Variants in ANGPTL3 observed in about 807,000 individuals in gnomAD.
ANGPTL3 encodes the protein angiopoietin-related protein 3.
In ANGPTL3, 51 loss-of-function variants were observed where a neutral mutation model predicts 52.7. That is an observed-to-expected ratio of 0.97 (90% CI 0.77 to 1.22). The LOEUF (loss-of-function observed/expected upper bound fraction) is 1.22. Among genes scored for constraint, ANGPTL3 ranks in the 50% most tolerant of loss-of-function variants. ANGPTL3 has a pLI of 0.00. For synonymous variants in ANGPTL3, 185 were observed against 179.8 expected (o/e 1.03, Z -0.23); for missense variants, 506 against 520.7 (o/e 0.97, Z 0.27).
chr1:62,604,674 A>G lies in ANGPTL3; in HGVS notation c.1240A>G (p.Asn414Asp). ...WHDECGENNL[N>D]GKYNKPRAKS... ...TGATGAGTGTGGAGAAAACAACCTA[A>G]ATGGTAAATATAACAAACCAAGAGC... Residue 414 changes from asparagine (N) to aspartate (D), a missense_variant, in exon 7 of 7, where the codon AAT becomes GAT. Coordinates refer to ENST00000371129, the MANE Select transcript of ANGPTL3 (RefSeq NM_014495.4). 1 of 1,613,258 alleles carries G rather than the reference A, an allele frequency of 6.2e-7. No homozygotes were observed. Among genetic ancestry groups the G allele is most frequent in the South Asian group, 1.1e-5 (1 of 91,060 alleles).
intron 2 of ANGPTL3, among the ~76,000 whole-genome samples, chr1:62,600,409 T>C (rs1017080754): frequency 2.0e-5 from 3 of 151,824 alleles, no homozygotes; most frequent in Non-Finnish European, 2.9e-5. Flanking sequence ...CTAGGAAATA[T>C]CATTCATGCC....
chr1:62,601,309 T>C, intron 3 of ANGPTL3, 113 bp downstream of exon 3: 1 of 784,500 alleles, frequency 1.3e-6, no homozygotes, highest in South Asian at 1.5e-5. Flanking sequence ...ATACAATGTA[T>C]CAACCTAAAC....
Position 62,597,635 on chromosome 1 carries a change from T to C in ANGPTL3, c.69T>C (p.Asn23=), listed in dbSNP as rs763902658. 3.1e-6 allele frequency: 5 copies of C among 1,613,328 alleles called. No individual in the cohort carries two copies. In the Admixed American group the frequency reaches 6.7e-5, roughly 22 times the overall value. Residue 23 remains asparagine, a synonymous_variant, in exon 1 of 7, where the codon AAT becomes AAC. Coordinates refer to ENST00000371129, the MANE Select transcript of ANGPTL3 (RefSeq NM_014495.4). ...LVISSRIDQD[N]SSFDSLSPEP... ...TTTCCTCCAGAATTGATCAAGACAA[T>C]TCATCATTTGATTCTCTATCTCCAG...
chr1:62,601,226 A>G, intron 3 of ANGPTL3, 30 bp downstream of exon 3: 1 of 1,406,576 alleles, frequency 7.1e-7, no homozygotes, highest in Non-Finnish European at 1.0e-6. Flanking sequence ...TTCCTTCTTG[A>G]AGCTATTATT....
chr1:62,599,527 A>G (rs972283209), intron 2 of ANGPTL3, among the ~76,000 whole-genome samples: 1 of 152,016 alleles, frequency 6.6e-6, no homozygotes, highest in African/African-American at 2.4e-5. Context: ...TATTTAACAT[A>G]ACATAAATTT....
Position 62,597,540 on chromosome 1 carries a change from T to C in ANGPTL3, c.-27T>C. The C allele has an allele frequency of 6.2e-7, 1 of 1,611,434 alleles. No homozygotes were observed. The highest frequency in any genetic ancestry group is 8.5e-7 in the Non-Finnish European group (1 of 1,178,682). ...CTTCCAGAAGAAAACAGTTCCACGT[T>C]GCTTGAAATTGAAAATCAAGATAAA... On this transcript the variant is annotated 5_prime_UTR_variant, in exon 1 of 7. Transcript: ENST00000371129.
rs1389474172 is a variant in ANGPTL3 at position 62,605,548 on chromosome 1, C to A, written c.*731C>A. The A allele has an allele frequency of 1.3e-5, 2 of 152,430 alleles. No homozygotes were observed. Among genetic ancestry groups the A allele is most frequent in the East Asian group, 1.9e-4 (1 of 5,188 alleles). The allele number at this position is 152,430 out of a possible 1,614,324, so 9.4% of individuals were successfully genotyped here. A position where few individuals can be genotyped will look rare whatever the true frequency, so the allele number is the denominator to read the frequency against. On this transcript the variant is annotated 3_prime_UTR_variant, in exon 7 of 7. Coordinates refer to ENST00000371129, the MANE Select transcript of ANGPTL3 (RefSeq NM_014495.4). ...ACTGTATACATTTTATATATTTTAA[C>A]ACTTAATACTATGAAAACAAATAAT...
rs777631300 is a variant in ANGPTL3, at chr1:62,604,234, AG to A, written c.1198+1del. 2.5e-6 allele frequency: 4 copies of A among 1,613,014 alleles called. No individual in the cohort carries two copies. In the South Asian group the frequency reaches 4.4e-5, roughly 18 times the overall value. On this transcript the variant is annotated frameshift_variant and splice_region_variant, in exon 6 of 7. Coordinates refer to ENST00000371129, the MANE Select transcript of ANGPTL3 (RefSeq NM_014495.4). LOFTEE classifies it high-confidence loss of function. The stretch of plus-strand genomic sequence containing the variant: ...ACTTCAACTGTCCAGAGGGTTATTC[AG>A]GTATCTTTTTCTGATACCAATACTT... ...GHFNCPEGYS[G>X]GWWWHDECGE...
chr1:62,604,348 T>C (rs1650627857), intron 6 of ANGPTL3, 113 bp downstream of exon 6: 1 of 1,339,826 alleles, frequency 7.5e-7, no homozygotes, highest in African/African-American at 1.6e-5. Flanking sequence ...AAATAAGCGT[T>C]TTCTCTCTAG....
rs1329767529 is a variant in ANGPTL3, at chr1:62,597,888, G to A, written c.322G>A (p.Val108Ile). ...GAGAAGAACTACATATAAACTACAA[G>A]TCAAAAATGAAGAGGTAAAGAATAT... ...ELRRTTYKLQ[V>I]KNEEVKNMSL... Residue 108 changes from valine to isoleucine, a missense_variant, in exon 1 of 7, where the codon GTC becomes ATC. Val to Ile is a conservative substitution (Grantham distance 29, BLOSUM62 3). Coordinates refer to ENST00000371129, the MANE Select transcript of ANGPTL3 (RefSeq NM_014495.4). 1.3e-6 allele frequency: 2 copies of A among 1,573,180 alleles called. No homozygotes were observed. Among genetic ancestry groups the A allele is most frequent in the Admixed American group, 1.9e-5 (1 of 51,320 alleles).
chr1:62,601,176 T>C lies in ANGPTL3; in HGVS notation c.701T>C (p.Ile234Thr). ...RTTPFLQLNE[I>T]RNVKHDGIPA... ...ACTCCCTTTCTTCAGTTGAATGAAATAAGAAATGTAAAACATGATGGTAAG... is the reference window on the plus strand; with the variant it reads ...ACTCCCTTTCTTCAGTTGAATGAAACAAGAAATGTAAAACATGATGGTAAG... Residue 234 changes from isoleucine to threonine, a missense_variant, in exon 3 of 7, where the codon ATA becomes ACA. Ile to Thr is a moderately conservative substitution (Grantham distance 89). Coordinates refer to ENST00000371129, the MANE Select transcript of ANGPTL3 (RefSeq NM_014495.4). The C allele has an allele frequency of 6.2e-7, 1 of 1,605,804 alleles. No homozygotes were observed. The highest frequency in any genetic ancestry group is 8.5e-7 in the Non-Finnish European group (1 of 1,173,182).
intron 2 of ANGPTL3, among the ~76,000 whole-genome samples, chr1:62,599,274 G>C (rs1471809886): frequency 1.3e-5 from 2 of 151,968 alleles, no homozygotes; most frequent in Non-Finnish European, 2.9e-5. Flanking sequence ...CGCTTTACCA[G>C]TATTCAAACA....
rs1220033719 is a variant in ANGPTL3, at chr1:62,598,006, A to C, written c.440A>C (p.Asn147Thr). The C allele has an allele frequency of 1.7e-5, 27 of 1,572,070 alleles. No homozygotes were observed. The highest frequency in any genetic ancestry group is 2.3e-5 in the Non-Finnish European group (27 of 1,169,058). The change falls in exon 1 of 7, where the codon AAC (asparagine) becomes ACC (threonine). Residue 147 changes from asparagine (N) to threonine (T), a missense_variant. Physicochemically the swap from Asn to Thr is moderately conservative, Grantham distance 65. Coordinates refer to ENST00000371129, the MANE Select transcript of ANGPTL3 (RefSeq NM_014495.4). ...AAATATTTAGAAGAGCAACTAACTA[A>C]CTTAATTCAAAATCAACCTGAAACT... ...KVKYLEEQLT[N>T]LIQNQPETPE... is the part of the protein sequence containing the mutation.
intron 3 of ANGPTL3, 90 bp from the exon 4 acceptor site, chr1:62,601,679 C>T (rs757962265): frequency 1.1e-6 from 1 of 939,434 alleles, no homozygotes; most frequent in African/African-American, 1.6e-5. Flanking sequence ...ACATTTGCCA[C>T]AACTTCATAA....
chr1:62,599,210 C>T (rs1649747713), intron 2 of ANGPTL3, among the ~76,000 whole-genome samples: 1 of 152,020 alleles, frequency 6.6e-6, no homozygotes, highest in Non-Finnish European at 1.5e-5. Flanking sequence ...ACCAAGATTA[C>T]CCAACCCTTC....
At chr1:62,601,302 C>CAATG in intron 3 of ANGPTL3, 106 bp downstream of exon 3, 1 of 815,062 alleles carries the variant, frequency 1.2e-6, no homozygotes. Context: ...CCATCAAATA[C>CAATG]AATGTATCAA....
rs1650767571 is a variant in ANGPTL3, at chr1:62,605,015, C to T, written c.*198C>T. Reference sequence around the variant, plus strand: ...CCGTTTACATTTCTCAATCAAAATTCTTATAATACTATTTGTTTTAAATTT... The same window carrying T: ...CCGTTTACATTTCTCAATCAAAATTTTTATAATACTATTTGTTTTAAATTT... On this transcript the variant is annotated 3_prime_UTR_variant, in exon 7 of 7. Coordinates refer to ENST00000371129, the MANE Select transcript of ANGPTL3 (RefSeq NM_014495.4). The T allele has an allele frequency of 3.6e-6, 2 of 555,942 alleles. No individual in the cohort carries two copies. The highest frequency in any genetic ancestry group is 3.1e-5 in the East Asian group (1 of 31,840). 34.4% of individuals were successfully genotyped at this position (555,942 alleles called of 1,614,324 possible). A position where few individuals can be genotyped will look rare whatever the true frequency, so the allele number is the denominator to read the frequency against.
chr1:62,602,479 G>A lies in ANGPTL3; in HGVS notation c.931+99G>A, dbSNP rs575988526. 1.3e-5 allele frequency: 13 copies of A among 1,013,774 alleles called. No homozygotes were observed. The East Asian group carries it at 1.4e-4, about 11-fold the overall frequency. 62.8% of individuals were successfully genotyped at this position (1,013,774 alleles called of 1,614,324 possible). On this transcript the variant is annotated intron_variant, in intron 5 of 6. Transcript: ENST00000371129. ...GGTATTAGGAAAAGTAGTAACGAACGAGAAGCAGTCTCAGCCTTCATATAA... is the reference window on the plus strand; with the variant it reads ...GGTATTAGGAAAAGTAGTAACGAACAAGAAGCAGTCTCAGCCTTCATATAA...
At chr1:62,601,447 T>C (rs1367874700) in intron 3 of ANGPTL3, among the ~76,000 whole-genome samples, 1 of 151,684 alleles carries the variant, frequency 6.6e-6, no homozygotes, top group Admixed American at 6.6e-5. Context: ...ATCATGGTAT[T>C]GCAGTTTTAA....
Sources: gnomAD v4.1 joint callset for allele counts (sites outside exome capture counted in the v4.1 genomes callset) on GRCh38, gnomAD v4.1.1 for gene constraint, MANE v1.5 for transcripts, NCBI Gene and HGNC (gene_info 2026-07-23, HGNC 2026-07-21) for gene names.